SRPK2: variants seen among roughly 807,000 people sequenced by gnomAD.
SRPK2 encodes SRSF protein kinase 2, also known as SFRS protein kinase 2.
A neutral mutation model predicts 90.8 loss-of-function variants in SRPK2; 21 were observed. That is an observed-to-expected ratio of 0.23 (90% confidence interval 0.16 to 0.33). The LOEUF (loss-of-function observed/expected upper bound fraction) is 0.33, where lower values mean the gene tolerates loss of function less well. Among genes scored for constraint, SRPK2 ranks in the 10% least tolerant of loss-of-function variants. The probability of loss-of-function intolerance (pLI) is 1.00; values close to 1 mark genes in which losing one functional copy is unlikely to be tolerated. For synonymous variants in SRPK2, 288 were observed against 311.1 expected (o/e 0.93, Z 0.78); for missense variants, 620 against 869.0 (o/e 0.71, Z 3.60).
At chr7:105,183,974 A>ATTTTTTTTTTTTTTT (rs57622134) in intron 3 of SRPK2, among the ~76,000 whole-genome samples, 1 of 116,280 alleles carries the variant, frequency 8.6e-6, no homozygotes, top group Non-Finnish European at 1.7e-5. Context: ...ACTATTACCA[A>ATTTTTTTTTTTTTTT]TTTTTTTTTT....
At chr7:105,137,004 C>G (rs1173510356) in intron 11 of SRPK2, among the ~76,000 whole-genome samples, 1 of 152,110 alleles carries the variant, frequency 6.6e-6, no homozygotes, top group Non-Finnish European at 1.5e-5. Context: ...GCTAAACAGG[C>G]TATGAAGAAA....
chr7:105,384,467 A>T (rs1821304709), intron 2 of SRPK2, among the ~76,000 whole-genome samples: 1 of 152,212 alleles, frequency 6.6e-6, no homozygotes, highest in African/African-American at 2.4e-5. Flanking sequence ...AATGAACTAA[A>T]ATTAATTAAA....
At chr7:105,349,590 C>A (rs924963735) in intron 2 of SRPK2, among the ~76,000 whole-genome samples, 2 of 151,598 alleles carry the variant, frequency 1.3e-5, no homozygotes, top group African/African-American at 4.8e-5. Context: ...TACAACCACA[C>A]CTTAATATCC....
At chr7:105,232,724 A>T (rs892935159) in intron 2 of SRPK2, among the ~76,000 whole-genome samples, 51 of 152,010 alleles carry the variant, frequency 3.4e-4, no homozygotes, top group African/African-American at 9.4e-4. Context: ...TAATAAAAAA[A>T]AAAAAGATAA....
chr7:105,272,892 C>T (rs1806003183), intron 2 of SRPK2, among the ~76,000 whole-genome samples: 1 of 152,120 alleles, frequency 6.6e-6, no homozygotes. Flanking sequence ...TTTGAGGGAT[C>T]CCAGGCTAGT....
chr7:105,229,133 C>T (rs146859205), intron 2 of SRPK2, among the ~76,000 whole-genome samples: 3 of 152,180 alleles, frequency 2.0e-5, no homozygotes, highest in African/African-American at 7.2e-5. Flanking sequence ...CACATAAAAC[C>T]ACCCAAAATT....
intron 2 of SRPK2, among the ~76,000 whole-genome samples, chr7:105,350,304 G>GT (rs1410687483): frequency 6.6e-6 from 1 of 150,660 alleles, no homozygotes; most frequent in Non-Finnish European, 1.5e-5. Context: ...GCTAATTTTT[G>GT]TATTTTTAGT....
At chr7:105,298,468 G>C (rs1174161407) in intron 2 of SRPK2, among the ~76,000 whole-genome samples, 1 of 151,904 alleles carries the variant, frequency 6.6e-6, no homozygotes, top group African/African-American at 2.4e-5. Flanking sequence ...TTTTTTTTCT[G>C]AACCTAAGTT....
chr7:105,279,739 T>G (rs998052466), intron 2 of SRPK2, among the ~76,000 whole-genome samples: 2 of 152,246 alleles, frequency 1.3e-5, no homozygotes, highest in Admixed American at 6.5e-5. Context: ...CTCTGAAAAC[T>G]ATCTAAAGGT....
In SRPK2 at chr7:105,224,960, A is replaced by C. The variant is rs1045720967; in HGVS notation, c.72-21175T>G. On this transcript the variant is annotated intron_variant, in intron 2 of 15. Transcript: ENST00000393651. ...AAGACGTTAAAATATTAAATCGAAAACTTCCCTTTCCTTACTGAGCTTTCA... is the reference window on the plus strand; with the variant it reads ...AAGACGTTAAAATATTAAATCGAAACCTTCCCTTTCCTTACTGAGCTTTCA... Among the ~76,000 whole-genome samples the C allele has an allele frequency of 2.0e-5, 3 of 152,200 alleles. No individual in the cohort carries two copies. The South Asian group carries it at 6.2e-4, about 32-fold the overall frequency.
intron 6 of SRPK2, among the ~76,000 whole-genome samples, chr7:105,166,743 T>A (rs1790117054): frequency 6.6e-6 from 1 of 152,232 alleles, no homozygotes; most frequent in Non-Finnish European, 1.5e-5. Flanking sequence ...TACTTTTCCT[T>A]AACTTTTGCA....
At chr7:105,228,921 T>C (rs1799073091) in intron 2 of SRPK2, among the ~76,000 whole-genome samples, 1 of 152,108 alleles carries the variant, frequency 6.6e-6, no homozygotes, top group African/African-American at 2.4e-5. Context: ...CTGTTACAAG[T>C]CCAGTGAAGA....
chr7:105,329,191 C>A (rs1294617238), intron 2 of SRPK2, among the ~76,000 whole-genome samples: 5 of 152,082 alleles, frequency 3.3e-5, no homozygotes, highest in African/African-American at 1.2e-4. Context: ...CCATGTCACA[C>A]TGCCTATTAG....
rs1410882007 is a variant in SRPK2 at position 105,275,901 on chromosome 7, T to A, written c.72-72116A>T. On this transcript the variant is annotated intron_variant, in intron 2 of 15. Transcript: ENST00000393651. Reference sequence around the variant, plus strand: ...CATGAGGACCCTGACTTTTGTCAAGTGGAAATTTAAAAAGACATAATAACT... The same window carrying A: ...CATGAGGACCCTGACTTTTGTCAAGAGGAAATTTAAAAAGACATAATAACT... Among the ~76,000 whole-genome samples, 3 of 152,168 alleles carry A rather than the reference T, an allele frequency of 2.0e-5. No individual in the cohort carries two copies. The East Asian group carries it at 5.8e-4, about 29-fold the overall frequency.
At chr7:105,214,108 T>C (rs1159586346) in intron 2 of SRPK2, among the ~76,000 whole-genome samples, 1 of 152,216 alleles carries the variant, frequency 6.6e-6, no homozygotes, top group African/African-American at 2.4e-5. Flanking sequence ...TAGTCACATA[T>C]GGCTGGTGGC....
intron 2 of SRPK2, chr7:105,244,678 GGGC>G (rs1386005421): frequency 1.8e-6 from 2 of 1,109,796 alleles, no homozygotes; most frequent in Admixed American, 2.0e-5. Context: ...CTATGGCCGT[GGGC>G]CTCAACAAGG....
intron 2 of SRPK2, among the ~76,000 whole-genome samples, chr7:105,231,661 G>A (rs995647710): frequency 6.6e-6 from 1 of 152,172 alleles, no homozygotes; most frequent in African/African-American, 2.4e-5. Context: ...TTTCTCTAAT[G>A]ATCTGAGATA....
chr7:105,252,133 G>C (rs1339381816), intron 2 of SRPK2, among the ~76,000 whole-genome samples: 1 of 152,168 alleles, frequency 6.6e-6, no homozygotes, highest in Non-Finnish European at 1.5e-5. Flanking sequence ...CTCCTTAAAT[G>C]ATGACAGAAA....
At position 105,384,880 on chromosome 7, in the gene SRPK2, C is replaced by T. The variant is rs1196469340; in HGVS notation, c.71+3768G>A. ...CCACAATCTATTCTCCACATAGCAA[C>T]CTTTTTTTTTTTTTGAGACGGAGTC... On this transcript the variant is annotated intron_variant, in intron 2 of 15. Transcript: ENST00000393651. 4.8e-5 allele frequency among the ~76,000 whole-genome samples: 7 copies of T among 145,858 alleles called. No individual in the cohort carries two copies. The South Asian group carries it at 6.6e-4, about 14-fold the overall frequency.
Sources: allele counts gnomAD v4.1 joint callset (sites outside exome capture counted in the v4.1 genomes callset), GRCh38; gene constraint gnomAD v4.1.1; transcripts MANE v1.5; gene names NCBI Gene and HGNC (gene_info 2026-07-23, HGNC 2026-07-21).